Variants in VRK1 observed in about 807,000 individuals in gnomAD.
The protein encoded by VRK1 is VRK serine/threonine kinase 1.
A neutral mutation model predicts 57.1 loss-of-function variants in VRK1; 33 were observed. That is an observed-to-expected ratio of 0.58 (90% confidence interval 0.44 to 0.77). The LOEUF is 0.77. Ranked by LOEUF, VRK1 falls within the 30% of genes least tolerant of loss-of-function variation. The probability of loss-of-function intolerance (pLI) is 0.00; values close to 1 mark genes in which losing one functional copy is unlikely to be tolerated. For missense variants in VRK1, 413 were observed against 477.3 expected (o/e 0.87, Z 1.25); for synonymous variants, 137 against 147.8 (o/e 0.93, Z 0.53).
chr14:96,829,783 A>T (rs1393961276), intron 1 of VRK1, among the ~76,000 whole-genome samples: 1 of 152,118 alleles, frequency 6.6e-6, no homozygotes, highest in Non-Finnish European at 1.5e-5. Flanking sequence ...ACATTTGCCC[A>T]TTATATACTC....
chr14:96,800,954 G>T (rs1381459727), intron 1 of VRK1, among the ~76,000 whole-genome samples: 1 of 152,114 alleles, frequency 6.6e-6, no homozygotes, highest in Admixed American at 6.6e-5. Context: ...AAGGACACGT[G>T]TCTTGTGGAG....
chr14:96,850,793 C>T (rs1047477158), intron 5 of VRK1, among the ~76,000 whole-genome samples: 12 of 152,122 alleles, frequency 7.9e-5, no homozygotes, highest in African/African-American at 2.4e-4. Flanking sequence ...GGAATATTTG[C>T]GTTAATACCT....
chr14:96,815,169 TA>T (rs1350837883), intron 1 of VRK1, among the ~76,000 whole-genome samples: 2 of 152,210 alleles, frequency 1.3e-5, no homozygotes, highest in African/African-American at 4.8e-5. Context: ...ATGTGATAAC[TA>T]AAAAATGTCA....
At chr14:96,836,541 G>C (rs1338168626) in intron 2 of VRK1, among the ~76,000 whole-genome samples, 2 of 43,360 alleles carry the variant, frequency 4.6e-5, no homozygotes, top group African/African-American at 1.8e-4. Context: ...TTTTTTTTTT[G>C]AGATGGAGTC....
At chr14:96,821,651 A>G (rs1886602933) in intron 1 of VRK1, among the ~76,000 whole-genome samples, 1 of 152,188 alleles carries the variant, frequency 6.6e-6, no homozygotes, top group South Asian at 2.1e-4. Context: ...TTGATGCGTC[A>G]ACCAGAGTGA....
At position 96,847,208 on chromosome 14, in the gene VRK1, T is replaced by C. The variant is rs778005827; in HGVS notation, c.287-49T>C. 7 of 1,496,800 alleles carry C rather than the reference T, an allele frequency of 4.7e-6. No individual in the cohort carries two copies. In the Admixed American group the frequency reaches 8.5e-5, roughly 18 times the overall value. 92.7% of individuals were successfully genotyped at this position (1,496,800 alleles called of 1,614,324 possible). ...CTCTTAATGATTTTTTAAAAAATTATCATTTATGTATAACAATTGAAATCA... is the reference window on the plus strand; with the variant it reads ...CTCTTAATGATTTTTTAAAAAATTACCATTTATGTATAACAATTGAAATCA... On this transcript the variant is annotated intron_variant, in intron 4 of 12. Coordinates refer to ENST00000216639, the MANE Select transcript of VRK1 (RefSeq NM_003384.3).
At position 96,802,209 on chromosome 14, in the gene VRK1, C is replaced by T. The variant is rs145943324; in HGVS notation, c.-6+4762C>T. 4.1e-4 allele frequency among the ~76,000 whole-genome samples: 63 copies of T among 152,126 alleles called. 1 individual carries two copies. The East Asian group carries it at 7.7e-3, about 19-fold the overall frequency. On this transcript the variant is annotated intron_variant, in intron 1 of 12. Coordinates refer to ENST00000216639, the MANE Select transcript of VRK1 (RefSeq NM_003384.3). ...TCTGGAAATTAGTTTGGCAATTTCT[C>T]GAAAAGTTAAACGTACATTTGACAC... is the stretch of plus-strand genomic sequence containing the variant.
At chr14:96,826,126 A>G (rs893574566) in intron 1 of VRK1, among the ~76,000 whole-genome samples, 1 of 152,240 alleles carries the variant, frequency 6.6e-6, no homozygotes, top group East Asian at 1.9e-4. Flanking sequence ...TGTGATAAAT[A>G]TAGCTATTGA....
In VRK1 at chr14:96,846,642, A is replaced by G. The variant is rs182046896; in HGVS notation, c.286+478A>G. ...AATTAGAGAGAGAAACTGCAACTTC[A>G]GGATAGTCCACCCCCGTATTCTCAG... On this transcript the variant is annotated intron_variant, in intron 4 of 12. Coordinates refer to ENST00000216639, the MANE Select transcript of VRK1 (RefSeq NM_003384.3). Among the ~76,000 whole-genome samples, 812 of 149,242 alleles carry G rather than the reference A, an allele frequency of 5.4e-3. 5 individuals carry two copies. Among genetic ancestry groups the G allele is most frequent in the African/African-American group, 0.019 (783 of 40,464 alleles).
Position 96,860,633 on chromosome 14 carries a change from C to T in VRK1, c.966C>T (p.Asp322=), listed in dbSNP as rs1302769997. The T allele has an allele frequency of 5.0e-6, 8 of 1,613,262 alleles. No homozygotes were observed. In the South Asian group the frequency reaches 7.7e-5, roughly 16 times the overall value. ...TEKPLYENLR[D]ILLQGLKAIG... is the part of the protein sequence containing the mutation. ...AACCTCTTTATGAAAATTTACGTGA[C>T]ATTCTTTTGCAAGGACTAAAAGCTA... is the stretch of plus-strand genomic sequence containing the variant. The change falls in exon 11 of 13, where the codon GAC becomes GAT. Residue 322 remains aspartate (D), a synonymous_variant. Transcript: ENST00000216639.
At chr14:96,860,401 T>TC (rs369151998) in intron 10 of VRK1, among the ~76,000 whole-genome samples, 156 bp from the exon 11 acceptor site, 17 of 152,280 alleles carry the variant, frequency 1.1e-4, no homozygotes, top group Middle Eastern at 3.4e-3. Context: ...ATTCCTGAGT[T>TC]CAAAAGCATA....
At chr14:96,854,184 T>C (rs541349288) in intron 7 of VRK1, among the ~76,000 whole-genome samples, 1 of 152,256 alleles carries the variant, frequency 6.6e-6, no homozygotes, top group South Asian at 2.1e-4. Flanking sequence ...TAGCCATTTC[T>C]TTTTAGATAT....
At chr14:96,850,973 C>A (rs1020419268) in intron 5 of VRK1, among the ~76,000 whole-genome samples, 13 of 152,232 alleles carry the variant, frequency 8.5e-5, no homozygotes, top group African/African-American at 3.1e-4. Context: ...ACACACATCA[C>A]CTATTTAGTA....
chr14:96,841,391 C>T (rs938637864), intron 3 of VRK1, among the ~76,000 whole-genome samples: 2 of 152,080 alleles, frequency 1.3e-5, no homozygotes, highest in African/African-American at 4.8e-5. Context: ...GACCAAGTAC[C>T]TAGTTCAGGA....
intron 1 of VRK1, among the ~76,000 whole-genome samples, chr14:96,831,122 A>G (rs749676587): frequency 1.3e-5 from 2 of 152,136 alleles, no homozygotes; most frequent in Non-Finnish European, 2.9e-5. Flanking sequence ...GTAGCTCCTG[A>G]TAATTTTTGG....
In VRK1 at chr14:96,840,834, C is replaced by T. The variant is rs138361570; in HGVS notation, c.216+3017C>T. ...AAGGTGGAACAGTGTATAATCATGT[C>T]TTTTTTGTTCTGTATAACTTGAACT... On this transcript the variant is annotated intron_variant, in intron 3 of 12. Transcript: ENST00000216639. Among the ~76,000 whole-genome samples, 830 of 150,046 alleles carry T rather than the reference C, an allele frequency of 5.5e-3. 3 individuals are homozygous for T. The highest frequency in any genetic ancestry group is 0.014 in the Middle Eastern group (4 of 290).
chr14:96,827,325 T>C (rs146338982), intron 1 of VRK1, among the ~76,000 whole-genome samples: 11 of 152,234 alleles, frequency 7.2e-5, no homozygotes, highest in African/African-American at 2.2e-4. Flanking sequence ...CAGTAGAAGG[T>C]GAGGAAGGGA....
intron 5 of VRK1, among the ~76,000 whole-genome samples, chr14:96,847,605 C>A (rs1887761152): frequency 6.6e-6 from 1 of 151,572 alleles, no homozygotes; most frequent in African/African-American, 2.4e-5. Flanking sequence ...GACTGGAACC[C>A]AACTGACAAG....
At chr14:96,862,806 T>A (rs188375069) in intron 11 of VRK1, among the ~76,000 whole-genome samples, 18 of 149,856 alleles carry the variant, frequency 1.2e-4, no homozygotes, top group African/African-American at 4.3e-4. Context: ...CTAGAAACTG[T>A]TAATTTTAAT....
Sources: allele counts gnomAD v4.1 joint callset (sites outside exome capture counted in the v4.1 genomes callset), GRCh38; gene constraint gnomAD v4.1.1; transcripts MANE v1.5; gene names NCBI Gene and HGNC (gene_info 2026-07-23, HGNC 2026-07-21).